Variants in STK3 observed in about 807,000 individuals in gnomAD.
STK3 encodes the protein serine/threonine kinase 3, also known as serine/threonine-protein kinase 3.
A neutral mutation model predicts 58.0 loss-of-function variants in STK3; 41 were observed. That is an observed-to-expected ratio of 0.71 (90% CI 0.55 to 0.92). The LOEUF (loss-of-function observed/expected upper bound fraction) is 0.92, where lower values mean the gene tolerates loss of function less well. Ranked by LOEUF, STK3 falls within the 40% of genes least tolerant of loss-of-function variation. The pLI is 0.00. For synonymous variants in STK3, 170 were observed against 191.0 expected (o/e 0.89, Z 0.91); for missense variants, 479 against 602.7 (o/e 0.79, Z 2.15).
chr8:98,855,058 AAACAACAAC>A (rs374263713), intron 3 of STK3, among the ~76,000 whole-genome samples: 2 of 151,848 alleles, frequency 1.3e-5, no homozygotes, highest in Non-Finnish European at 2.9e-5. Context: ...CGCTGTCTCA[AAACAACAAC>A]AACAACAACA....
chr8:98,937,317 G>A lies in STK3; in HGVS notation c.-79+5061C>T, dbSNP rs557888737. Among the ~76,000 whole-genome samples, 7 of 152,282 alleles carry A rather than the reference G, an allele frequency of 4.6e-5. No individual in the cohort carries two copies. The South Asian group carries it at 1.5e-3, about 32-fold the overall frequency. On this transcript the variant is annotated intron_variant, in intron 1 of 1. Transcript: ENST00000519420. ...GAAGCTACAGTGGAATTATCACCTGGCATGAAGTGAAATAACATCATTATA... is the reference window on the plus strand; with the variant it reads ...GAAGCTACAGTGGAATTATCACCTGACATGAAGTGAAATAACATCATTATA...
the STK3 span, among the ~76,000 whole-genome samples, chr8:98,352,260 A>G: frequency 3.3e-5 from 5 of 152,194 alleles, no homozygotes; most frequent in African/African-American, 1.2e-4. Flanking sequence ...TTTCAAGGGA[A>G]TGAAAGTCAT....
intron 1 of STK3, among the ~76,000 whole-genome samples, chr8:98,782,968 C>T (rs897790560): frequency 2.6e-5 from 4 of 151,298 alleles, no homozygotes; most frequent in Non-Finnish European, 5.9e-5. Flanking sequence ...CACACAGATG[C>T]ATCAAATTCA....
upstream of STK3, among the ~76,000 whole-genome samples, chr8:98,826,948 G>A (rs1489744714): frequency 4.5e-5 from 6 of 134,006 alleles, 1 homozygote; most frequent in African/African-American, 1.8e-4. Context: ...ACTTGAACCC[G>A]GGAGGCAGAG....
intron 4 of STK3, 94 bp downstream of exon 4, chr8:98,749,182 C>G: frequency 1.1e-6 from 1 of 926,272 alleles, no homozygotes; most frequent in Non-Finnish European, 1.7e-6. Flanking sequence ...TTTTTTCATG[C>G]TATTATTTTC....
chr8:98,925,519 G>A (rs886926949), intron 1 of STK3, among the ~76,000 whole-genome samples: 2 of 152,218 alleles, frequency 1.3e-5, no homozygotes, highest in African/African-American at 4.8e-5. Context: ...TGAGGTAATA[G>A]AGATGCCAAA....
intron 3 of STK3, among the ~76,000 whole-genome samples, chr8:98,832,950 C>T (rs904508059): frequency 6.6e-6 from 1 of 152,174 alleles, no homozygotes; most frequent in Non-Finnish European, 1.5e-5. Context: ...CTGCAGACTT[C>T]CCTACATGTC....
At chr8:98,347,686 A>G in the STK3 span, among the ~76,000 whole-genome samples, 1 of 152,206 alleles carries the variant, frequency 6.6e-6, no homozygotes, top group African/African-American at 2.4e-5. Context: ...AACAATCTCA[A>G]TTAAAAGGCA....
chr8:98,616,988 T>C (rs1011421198), intron 6 of STK3, among the ~76,000 whole-genome samples: 7 of 152,046 alleles, frequency 4.6e-5, no homozygotes, highest in African/African-American at 1.2e-4. Context: ...GAACTCTCCA[T>C]CCCAAATCAA....
At chr8:98,388,072 A>G (rs548859535) in intron 1 of STK3, 6 of 152,314 alleles carry the variant, frequency 3.9e-5, no homozygotes, top group African/African-American at 1.2e-4. Context: ...CAAAAATATT[A>G]AAATACCTGA....
intron 1 of STK3, among the ~76,000 whole-genome samples, chr8:98,791,282 C>A (rs1205452485): frequency 6.6e-6 from 1 of 152,102 alleles, no homozygotes; most frequent in African/African-American, 2.4e-5. Flanking sequence ...AAGACCTCTA[C>A]AATGAAAACT....
intron 6 of STK3, among the ~76,000 whole-genome samples, chr8:98,650,296 T>C (rs765732030): frequency 7.0e-4 from 106 of 152,388 alleles, no homozygotes; most frequent in Non-Finnish European, 1.1e-3. Context: ...TACTTGTTAT[T>C]AGAAATAACA....
chr8:98,416,364 G>GT (rs57447680), intron 3 of STK3, among the ~76,000 whole-genome samples: 55 of 79,534 alleles, frequency 6.9e-4, no homozygotes, highest in South Asian at 4.5e-3. Context: ...GTTTGAAACT[G>GT]TTTTTTTTTT....
intron 1 of STK3, among the ~76,000 whole-genome samples, chr8:98,807,152 CAAAAAAAAAAA>C (rs1039866302): frequency 3.6e-5 from 2 of 55,244 alleles, no homozygotes; most frequent in African/African-American, 5.9e-5. Context: ...GACTCCGTCT[CAAAAAAAAAAA>C]AAAAAAAAGG....
At chr8:98,382,199 C>T (rs542350106) in intron 1 of STK3, among the ~76,000 whole-genome samples, 7 of 152,160 alleles carry the variant, frequency 4.6e-5, no homozygotes, top group Non-Finnish European at 8.8e-5. Context: ...GCAGGCTGGC[C>T]TTCTGCGTCT....
At chr8:98,741,799 G>T (rs576699000) in intron 4 of STK3, among the ~76,000 whole-genome samples, 5 of 152,132 alleles carry the variant, frequency 3.3e-5, no homozygotes, top group African/African-American at 4.8e-5. Context: ...CCAGGAGCTG[G>T]TTTTTTGAAA....
At chr8:98,652,736 G>A (rs1313800786) in intron 6 of STK3, among the ~76,000 whole-genome samples, 18 of 149,538 alleles carry the variant, frequency 1.2e-4, no homozygotes, top group Admixed American at 5.4e-4. Context: ...AGACAAAGAA[G>A]GCCATTACAT....
intron 1 of STK3, among the ~76,000 whole-genome samples, chr8:98,940,768 C>T (rs1840389200): frequency 6.6e-6 from 1 of 152,244 alleles, no homozygotes; most frequent in Non-Finnish European, 1.5e-5. Flanking sequence ...GTATCTTTCT[C>T]CTCCTCTGGG....
At chr8:98,546,119 T>C (rs1663111369) in intron 9 of STK3, among the ~76,000 whole-genome samples, 1 of 152,174 alleles carries the variant, frequency 6.6e-6, no homozygotes, top group Non-Finnish European at 1.5e-5. Context: ...CAACTGCAGC[T>C]ATAAAAACCA....
Sources: gnomAD v4.1 joint callset for allele counts (sites outside exome capture counted in the v4.1 genomes callset) on GRCh38, gnomAD v4.1.1 for gene constraint, MANE v1.5 for transcripts, NCBI Gene and HGNC (gene_info 2026-07-23, HGNC 2026-07-21) for gene names.